Variants in STON1 observed in about 807,000 individuals in gnomAD.
STON1 encodes the protein stonin-1.
Under a neutral mutation model 60.9 loss-of-function variants are expected in STON1, and 79 were observed. The observed-to-expected ratio is 1.30, with a 90% CI of 1.08 to 1.56. The LOEUF (loss-of-function observed/expected upper bound fraction) is 1.56. STON1 is among the 40% of genes most tolerant of loss of function. The pLI is 0.00. For missense variants in STON1, 1,166 were observed against 858.9 expected, an observed-to-expected ratio of 1.36 and a Z score of -4.47; for synonymous variants, 363 against 306.9, an observed-to-expected ratio of 1.18 and a Z score of -1.91.
chr2:48,571,611 G>A (rs1415280595), intron 1 of STON1, among the ~76,000 whole-genome samples: 1 of 152,186 alleles, frequency 6.6e-6, no homozygotes, highest in Non-Finnish European at 1.5e-5. Flanking sequence ...TGAGGAAAAT[G>A]CATCTAAACT....
At chr2:48,566,480 A>G (rs1246408807) in intron 1 of STON1, among the ~76,000 whole-genome samples, 2 of 151,526 alleles carry the variant, frequency 1.3e-5, no homozygotes, top group Non-Finnish European at 2.9e-5. Flanking sequence ...ACGGGGTTTC[A>G]CCATGTTGGT....
chr2:48,566,786 C>A (rs1185772598), intron 1 of STON1, among the ~76,000 whole-genome samples: 1 of 152,188 alleles, frequency 6.6e-6, no homozygotes, highest in Non-Finnish European at 1.5e-5. Context: ...TTGAATTCTT[C>A]AGGCAGCCTT....
chr2:48,547,899 A>G (rs529298098), intron 1 of STON1, among the ~76,000 whole-genome samples: 1 of 152,196 alleles, frequency 6.6e-6, no homozygotes, highest in Non-Finnish European at 1.5e-5. Flanking sequence ...CATCAGGAAC[A>G]TTGTATTAGG....
At chr2:48,565,372 C>G (rs749868498) in intron 1 of STON1, among the ~76,000 whole-genome samples, 1 of 152,062 alleles carries the variant, frequency 6.6e-6, no homozygotes, top group South Asian at 2.1e-4. Flanking sequence ...TATACAGGTA[C>G]TAATCCTATT....
Position 48,591,902 on chromosome 2 carries a change from A to G in STON1, c.2133+47A>G, listed in dbSNP as rs570537676. 3 of 1,593,974 alleles carry G rather than the reference A, an allele frequency of 1.9e-6. No individual in the cohort carries two copies. The South Asian group carries it at 3.4e-5, about 18-fold the overall frequency. ...ACTGTGACCTGATTTGGCTTTAAAT[A>G]TTTGTTTTGCTGTCTTTTGTGATCG... is the stretch of plus-strand genomic sequence containing the variant. On this transcript the variant is annotated intron_variant, in intron 3 of 3. Transcript: ENST00000404752.
intron 1 of STON1, among the ~76,000 whole-genome samples, chr2:48,563,423 G>A (rs1409800472): frequency 1.3e-5 from 2 of 152,202 alleles, no homozygotes; most frequent in African/African-American, 2.4e-5. Context: ...GTCCTCCTAC[G>A]CGGACTGCTG....
chr2:48,566,514 G>T (rs1430493186), intron 1 of STON1, among the ~76,000 whole-genome samples: 2 of 151,642 alleles, frequency 1.3e-5, no homozygotes, highest in South Asian at 2.1e-4. Flanking sequence ...ATCTTCTGAC[G>T]TCGGGTGATC....
rs778321231 is a variant in STON1, at chr2:48,581,083, T to A, written c.450T>A (p.Gly150=). 1.2e-6 allele frequency: 2 copies of A among 1,601,026 alleles called. No individual in the cohort carries two copies. Among genetic ancestry groups the A allele is most frequent in the South Asian group, 2.3e-5 (2 of 88,004 alleles). Residue 150 remains glycine (G), a synonymous_variant, in exon 2 of 4, where the codon GGT becomes GGA. Transcript: ENST00000404752. ...HSCTHPTPKV[G]LPDEVNPQQA... ...GTACACATCCAACTCCCAAAGTAGG[T>A]CTTCCAGATGAAGTTAATCCTCAAC...
intron 1 of STON1, among the ~76,000 whole-genome samples, chr2:48,575,509 C>T (rs1475963688): frequency 2.6e-5 from 4 of 151,698 alleles, no homozygotes; most frequent in Non-Finnish European, 2.9e-5. Flanking sequence ...CAAAATTAGC[C>T]GGGCATGGTG....
rs951229207 is a variant in STON1, at chr2:48,581,365, A to T, written c.732A>T (p.Ser244=). 9 of 1,571,528 alleles carry T rather than the reference A, an allele frequency of 5.7e-6. No individual in the cohort carries two copies. In the African/African-American group the frequency reaches 1.1e-4, roughly 19 times the overall value. The change falls in exon 2 of 4, where the codon TCA becomes TCT. Residue 244 remains serine (S), a synonymous_variant. Coordinates refer to ENST00000404752, the MANE Select transcript of STON1 (RefSeq NM_006873.4). ...TCCAGTCAGCTGAGAACCAAGACTC[A>T]CTTAGAAGTTTGTCTATGCACTGTC... ...EHLQSAENQD[S]LRSLSMHCLC... is the part of the protein sequence containing the mutation.
Position 48,582,425 on chromosome 2 carries a change from A to T in STON1, c.1792A>T (p.Asn598Tyr). 6.2e-7 allele frequency: 1 copy of T among 1,614,214 alleles called. No homozygotes were observed. Among genetic ancestry groups the T allele is most frequent in the Non-Finnish European group, 8.5e-7 (1 of 1,180,042 alleles). Reference protein sequence around the residue: ...QRQKSLKAKMNRRACLGSLQE... With the variant: ...QRQKSLKAKMYRRACLGSLQE... ...GCAGAAGTCTCTGAAAGCTAAAATG[A>T]ACCGCCGAGCATGTCTGGGGAGTTT... Residue 598 changes from asparagine to tyrosine, a missense_variant, in exon 2 of 4, where the codon AAC becomes TAC. By Grantham distance (143) the Asn-to-Tyr change is moderately radical. Transcript: ENST00000404752.
intron 1 of STON1, among the ~76,000 whole-genome samples, chr2:48,539,244 T>G (rs1381528946): frequency 6.6e-6 from 1 of 152,096 alleles, no homozygotes; most frequent in East Asian, 1.9e-4. Context: ...TATTGTTTAT[T>G]TGTGCCAACT....
Position 48,534,241 on chromosome 2 carries a change from A to G in STON1, c.-48+4025A>G, listed in dbSNP as rs151275972. ...CTCAACTTTTATAGTAATAATAGCTAACATTTACTGAGAACTAAGCACTTA... is the reference window on the plus strand; with the variant it reads ...CTCAACTTTTATAGTAATAATAGCTGACATTTACTGAGAACTAAGCACTTA... On this transcript the variant is annotated intron_variant, in intron 1 of 3. Transcript: ENST00000404752. Among the ~76,000 whole-genome samples the G allele has an allele frequency of 1.9e-3, 282 of 152,318 alleles. 3 individuals are homozygous for G. Among genetic ancestry groups the G allele is most frequent in the Middle Eastern group, 0.01 (3 of 294 alleles).
At chr2:48,578,581 CTTTTTTTTTTTTTT>C (rs59933765) in intron 1 of STON1, among the ~76,000 whole-genome samples, 3 of 46,154 alleles carry the variant, frequency 6.5e-5, no homozygotes, top group Admixed American at 4.0e-4. Context: ...CTCCTCCTTC[CTTTTTTTTTTTTTT>C]TTTTTTTTTT....
In STON1 at chr2:48,581,982, G is replaced by A. The variant is rs1328254361; in HGVS notation, c.1349G>A (p.Gly450Glu). The stretch of plus-strand genomic sequence containing the variant: ...ATTTATTGCCTCTGCTTTGTGAATG[G>A]GAACCTGGAATGCTTTTTAACCTTG... ...TQIYCLCFVN[G>E]NLECFLTLND... Residue 450 changes from glycine to glutamate, a missense_variant, in exon 2 of 4, where the codon GGG becomes GAG. Transcript: ENST00000404752. 1.2e-6 allele frequency: 2 copies of A among 1,614,184 alleles called. No individual in the cohort carries two copies. Among genetic ancestry groups the A allele is most frequent in the Admixed American group, 1.7e-5 (1 of 60,022 alleles).
At chr2:48,537,065 G>A (rs1671460322) in intron 1 of STON1, among the ~76,000 whole-genome samples, 1 of 152,086 alleles carries the variant, frequency 6.6e-6, no homozygotes, top group East Asian at 1.9e-4. Context: ...ATAAAACAAC[G>A]ATAATTTATC....
At chr2:48,550,761 C>T (rs1054809159) in intron 1 of STON1, among the ~76,000 whole-genome samples, 1 of 151,482 alleles carries the variant, frequency 6.6e-6, no homozygotes, top group African/African-American at 2.4e-5. Context: ...CTGCTTTCCA[C>T]ATGTTAAGCA....
chr2:48,580,159 C>T (rs745600487), intron 1 of STON1, among the ~76,000 whole-genome samples: 38 of 152,240 alleles, frequency 2.5e-4, no homozygotes, highest in Non-Finnish European at 4.6e-4. Flanking sequence ...CTGCTTGCCT[C>T]GGCCTCCCAA....
At chr2:48,565,298 C>T (rs559453558) in intron 1 of STON1, among the ~76,000 whole-genome samples, 4 of 151,750 alleles carry the variant, frequency 2.6e-5, no homozygotes, top group South Asian at 4.2e-4. Context: ...GTGATCCACC[C>T]GCCTCGGCCT....
Sources: allele counts gnomAD v4.1 joint callset (sites outside exome capture counted in the v4.1 genomes callset), GRCh38; gene constraint gnomAD v4.1.1; transcripts MANE v1.5; gene names NCBI Gene and HGNC (gene_info 2026-07-23, HGNC 2026-07-21).